The following RGL1 variants were observed in gnomAD, a reference collection of about 807,000 sequenced individuals.
RGL1 encodes ral guanine nucleotide dissociation stimulator like 1, also known as ral guanine nucleotide dissociation stimulator-like 1.
In RGL1, 24 loss-of-function variants were observed where a neutral mutation model predicts 95.2. The observed-to-expected ratio is 0.25, with a 90% CI of 0.18 to 0.35. The LOEUF is 0.35. Among genes scored for constraint, RGL1 ranks in the 10% least tolerant of loss-of-function variants. The pLI, the probability that RGL1 is intolerant of heterozygous loss-of-function variation, is 1.00. For synonymous variants in RGL1, 329 were observed against 344.9 expected (o/e 0.95, Z 0.51); for missense variants, 715 against 936.3 (o/e 0.76, Z 3.08).
At chr1:183,892,535 G>T (rs1667483776) in intron 9 of RGL1, among the ~76,000 whole-genome samples, 1 of 152,166 alleles carries the variant, frequency 6.6e-6, no homozygotes, top group African/African-American at 2.4e-5. Context: ...GGCCAAGCCT[G>T]CCTGCAATTC....
At chr1:183,721,508 G>A (rs1159257845) in intron 1 of RGL1, among the ~76,000 whole-genome samples, 1 of 152,164 alleles carries the variant, frequency 6.6e-6, no homozygotes, top group Non-Finnish European at 1.5e-5. Flanking sequence ...TCAATAGTAA[G>A]TATGAGTTTT....
At position 183,724,982 on chromosome 1, in the gene RGL1, C is replaced by CACAT. The variant is rs71130631; in HGVS notation, c.-32-17144_-32-17143insACAT. 8.3e-4 allele frequency among the ~76,000 whole-genome samples: 125 copies of CACAT among 151,484 alleles called. No individual in the cohort carries two copies. The highest frequency in any genetic ancestry group is 1.0e-3 in the Non-Finnish European group (68 of 67,846). On this transcript the variant is annotated intron_variant, in intron 1 of 18. Coordinates refer to the RGL1 transcript ENST00000304685. The surrounding 1 kb of genome is among the most constrained non-coding windows in gnomAD (Gnocchi z 4.1). ...GCACCACAACACACACACACACACA[C>CACAT]GGAGGGAAGAGGAGGAGGAGGAGAG...
Position 183,888,580 on chromosome 1 carries a change from A to G in RGL1, c.1055+3A>G. 6.3e-7 allele frequency: 1 copy of G among 1,580,170 alleles called. No homozygotes were observed. Among genetic ancestry groups the G allele is most frequent in the Non-Finnish European group, 8.7e-7 (1 of 1,149,236 alleles). ...AAGACTTGGGCTGCCGTCCCAAGGTAAGTTCCCAAGTGTTTGCTCTGCTTT... is the reference window on the plus strand; with the variant it reads ...AAGACTTGGGCTGCCGTCCCAAGGTGAGTTCCCAAGTGTTTGCTCTGCTTT... On this transcript the variant is annotated splice_donor_region_variant and intron_variant, in intron 8 of 17. Transcript: ENST00000360851.
chr1:183,664,607 C>T (rs1489914314), intron 1 of RGL1, among the ~76,000 whole-genome samples: 1 of 150,688 alleles, frequency 6.6e-6, no homozygotes, highest in Non-Finnish European at 1.5e-5. Context: ...ATCCTGCTAT[C>T]GCATCCTACT....
chr1:183,890,545 T>C (rs998799061), intron 8 of RGL1, among the ~76,000 whole-genome samples: 2 of 152,220 alleles, frequency 1.3e-5, no homozygotes, highest in African/African-American at 4.8e-5. Flanking sequence ...CAGCTTTACA[T>C]GTTCTCCATT....
intron 2 of RGL1, among the ~76,000 whole-genome samples, chr1:183,786,742 A>G (rs1660198859): frequency 6.6e-6 from 1 of 152,236 alleles, no homozygotes; most frequent in African/African-American, 2.4e-5. Context: ...TTCTTTTTAA[A>G]GTATTCTGAT....
intron 1 of RGL1, among the ~76,000 whole-genome samples, chr1:183,674,609 A>G (rs1276024454): frequency 6.6e-6 from 1 of 152,212 alleles, no homozygotes; most frequent in African/African-American, 2.4e-5. Flanking sequence ...TGCTGAGATC[A>G]TTACTGAAAC....
At chr1:183,849,252 G>C (rs3002646) in intron 3 of RGL1, among the ~76,000 whole-genome samples, 32 of 151,606 alleles carry the variant, frequency 2.1e-4, no homozygotes, top group Admixed American at 1.3e-4. Flanking sequence ...CGCCTGGCCA[G>C]TTTTCAGTTT....
intron 2 of RGL1, among the ~76,000 whole-genome samples, chr1:183,774,890 G>A (rs765087004): frequency 1.9e-4 from 29 of 151,878 alleles, no homozygotes; most frequent in Non-Finnish European, 3.2e-4. Flanking sequence ...TGTTATTTCT[G>A]AGTTCCTCAG....
intron 17 of RGL1, among the ~76,000 whole-genome samples, chr1:183,924,474 G>T (rs374642102): frequency 4.6e-5 from 7 of 152,098 alleles, no homozygotes; most frequent in African/African-American, 4.8e-5. Flanking sequence ...GGGCCTGTTG[G>T]GGGGTGGAAG....
At chr1:183,775,901 G>A (rs1272960612) in intron 2 of RGL1, among the ~76,000 whole-genome samples, 2 of 152,172 alleles carry the variant, frequency 1.3e-5, no homozygotes, top group Non-Finnish European at 2.9e-5. Flanking sequence ...GGTAGTAATA[G>A]TACCATGATT....
At chr1:183,764,006 AC>A (rs1307818971) in intron 2 of RGL1, among the ~76,000 whole-genome samples, 1 of 152,214 alleles carries the variant, frequency 6.6e-6, no homozygotes, top group East Asian at 1.9e-4. Context: ...CAATGAGACT[AC>A]CCTGCTAATA....
chr1:183,888,197 G>GT (rs1300602477), intron 7 of RGL1, among the ~76,000 whole-genome samples: 1 of 152,094 alleles, frequency 6.6e-6, no homozygotes, highest in Non-Finnish European at 1.5e-5. Flanking sequence ...CTCCATTAGT[G>GT]TTTTTACTAG....
At chr1:183,802,059 G>T (rs1661022528), upstream of RGL1, among the ~76,000 whole-genome samples, 1 of 152,156 alleles carries the variant, frequency 6.6e-6, no homozygotes, top group African/African-American at 2.4e-5. Flanking sequence ...ATAGTTTCAG[G>T]TCTTATGTTT....
Position 183,800,065 on chromosome 1 carries a change from G to A in RGL1, c.133-6310G>A, listed in dbSNP as rs140724915. On this transcript the variant is annotated intron_variant, in intron 2 of 18. Coordinates refer to the RGL1 transcript ENST00000304685. ...AGAAGTGAGGGTCAGACTCTTGGTTGGCAAGTCATCCAGAGCTGGAATTTA... is the reference window on the plus strand; with the variant it reads ...AGAAGTGAGGGTCAGACTCTTGGTTAGCAAGTCATCCAGAGCTGGAATTTA... Among the ~76,000 whole-genome samples, 258 of 152,236 alleles carry A rather than the reference G, an allele frequency of 1.7e-3. 1 individual carries two copies. The highest frequency in any genetic ancestry group is 6.0e-3 in the African/African-American group (251 of 41,536).
chr1:183,903,991 G>C (rs1024088020), intron 12 of RGL1, among the ~76,000 whole-genome samples: 6 of 152,164 alleles, frequency 3.9e-5, no homozygotes, highest in Non-Finnish European at 8.8e-5. Flanking sequence ...AGTTACTTCT[G>C]TCATGTCCTG....
At position 183,902,549 on chromosome 1, in the gene RGL1, T is replaced by C. The variant is rs1231968074; in HGVS notation, c.1318-19T>C. The C allele has an allele frequency of 6.2e-7, 1 of 1,603,508 alleles. No homozygotes were observed. The highest frequency in any genetic ancestry group is 8.5e-7 in the Non-Finnish European group (1 of 1,175,994). On this transcript the variant is annotated intron_variant, in intron 11 of 17. Coordinates refer to ENST00000360851, the MANE Select transcript of RGL1 (RefSeq NM_001297671.3). Reference sequence around the variant, plus strand: ...AAAGTAGCTTGGTTGCTCACTCTTTTTATTAAAATTTCTTTTAGGGTGGAC... The same window carrying C: ...AAAGTAGCTTGGTTGCTCACTCTTTCTATTAAAATTTCTTTTAGGGTGGAC...
intron 9 of RGL1, 139 bp from the exon 10 acceptor site, chr1:183,897,669 T>G (rs1024150925): frequency 3.4e-6 from 2 of 594,126 alleles, no homozygotes; most frequent in Non-Finnish European, 6.0e-6. Flanking sequence ...CGTGAGAGCC[T>G]GCTGGAGGCC....
At chr1:183,762,318 A>C (rs1658715256) in intron 2 of RGL1, among the ~76,000 whole-genome samples, 1 of 152,152 alleles carries the variant, frequency 6.6e-6, no homozygotes, top group East Asian at 1.9e-4. Flanking sequence ...CTTAGAGGCC[A>C]TTGTAGGGTT....
Sources: allele counts gnomAD v4.1 joint callset (sites outside exome capture counted in the v4.1 genomes callset), GRCh38; gene constraint gnomAD v4.1.1; non-coding constraint Gnocchi (gnomAD v3.1); transcripts MANE v1.5; gene names NCBI Gene and HGNC (gene_info 2026-07-23, HGNC 2026-07-21).